Variants in IFNGR2 observed in about 807,000 individuals in gnomAD.
The protein encoded by IFNGR2 is IFN-gamma receptor 2.
In IFNGR2, 15 loss-of-function variants were observed where a neutral mutation model predicts 41.1. That is an observed-to-expected ratio of 0.37 (90% CI 0.24 to 0.56). The LOEUF is 0.56. IFNGR2 is among the 20% of genes least tolerant of loss of function. The pLI is 0.81. For synonymous variants in IFNGR2, 161 were observed against 171.6 expected (o/e 0.94, Z 0.48); for missense variants, 362 against 415.7 (o/e 0.87, Z 1.12).
chr21:33,410,116 G>GT (rs34990933), intron 1 of IFNGR2, among the ~76,000 whole-genome samples: 151,726 of 151,726 alleles, frequency 1, 75,863 homozygotes, highest in Non-Finnish European at 1. Flanking sequence ...TATACAGGAG[G>GT]TTCTCAAGAG....
At chr21:33,418,085 T>A (rs1366190493) in intron 2 of IFNGR2, among the ~76,000 whole-genome samples, 1 of 152,126 alleles carries the variant, frequency 6.6e-6, no homozygotes, top group Non-Finnish European at 1.5e-5. Flanking sequence ...TGCAGTGGCG[T>A]GATCTCAGCT....
At chr21:33,427,949 TCA>T (rs1376462807) in intron 4 of IFNGR2, among the ~76,000 whole-genome samples, 1 of 150,808 alleles carries the variant, frequency 6.6e-6, no homozygotes, top group Non-Finnish European at 1.5e-5. Context: ...CAGGCTGGTC[TCA>T]GACTCCTGAC....
At chr21:33,411,344 T>G (rs1568951045) in intron 1 of IFNGR2, 4 of 429,698 alleles carry the variant, frequency 9.3e-6, no homozygotes, top group Non-Finnish European at 2.0e-5. Flanking sequence ...CCGGAGCCCC[T>G]TGGTGCTTCC....
chr21:33,425,916 C>T (rs977920414), intron 3 of IFNGR2, among the ~76,000 whole-genome samples: 7 of 152,208 alleles, frequency 4.6e-5, no homozygotes, highest in African/African-American at 1.4e-4. Context: ...AATGTGCAGA[C>T]ATTGGTCTCT....
At chr21:33,428,197 C>T (rs2083856284) in intron 4 of IFNGR2, among the ~76,000 whole-genome samples, 1 of 147,164 alleles carries the variant, frequency 6.8e-6, no homozygotes. Flanking sequence ...TTTGTATCTG[C>T]ACTTCTCCTT....
At chr21:33,411,150 A>C (rs1358733451) in intron 1 of IFNGR2, among the ~76,000 whole-genome samples, 1 of 152,214 alleles carries the variant, frequency 6.6e-6, no homozygotes, top group Non-Finnish European at 1.5e-5. Context: ...AAGATAGGGG[A>C]TGATAGGAAA....
intron 2 of IFNGR2, among the ~76,000 whole-genome samples, chr21:33,415,334 G>A (rs2083746619): frequency 6.6e-6 from 1 of 152,220 alleles, no homozygotes; most frequent in Non-Finnish European, 1.5e-5. Context: ...GGAAGAACAG[G>A]AGGCAGCTTT....
intron 1 of IFNGR2, among the ~76,000 whole-genome samples, chr21:33,414,081 C>T (rs1777305535): frequency 6.6e-6 from 1 of 152,130 alleles, no homozygotes; most frequent in Non-Finnish European, 1.5e-5. Context: ...GATCTGCCTT[C>T]CTTGGCCTCC....
At chr21:33,407,846 A>ACCCCCCCCCCCCCCCCC (rs55734282) in intron 1 of IFNGR2, among the ~76,000 whole-genome samples, 1 of 86,804 alleles carries the variant, frequency 1.2e-5, no homozygotes, top group Admixed American at 1.2e-4. Flanking sequence ...TCCCCACCGC[A>ACCCCCCCCCCCCCCCCC]CCCCCCCCCG....
chr21:33,412,594 C>T (rs964217581), intron 1 of IFNGR2, among the ~76,000 whole-genome samples: 17 of 152,186 alleles, frequency 1.1e-4, no homozygotes, highest in Admixed American at 9.2e-4. Flanking sequence ...GCCGCTCTGT[C>T]GCCCAGGCTG....
At chr21:33,415,168 GAGGA>G in intron 2 of IFNGR2, 148 bp downstream of exon 2, 3 of 1,063,616 alleles carry the variant, frequency 2.8e-6, no homozygotes, top group African/African-American at 1.6e-5. Flanking sequence ...TAAAATCTCT[GAGGA>G]CAGAGGTTTC....
intron 2 of IFNGR2, 101 bp downstream of exon 2, chr21:33,415,121 A>T (rs898876694): frequency 7.1e-7 from 1 of 1,405,082 alleles, no homozygotes; most frequent in Non-Finnish European, 1.0e-6. Context: ...AGGGTTTGTT[A>T]TCAAACCCGT....
Position 33,436,903 on chromosome 21 carries a change from T to C in IFNGR2, c.955T>C (p.Ser319Pro). 1 of 1,614,040 alleles carries C rather than the reference T, an allele frequency of 6.2e-7. No homozygotes were observed. Among genetic ancestry groups the C allele is most frequent in the Middle Eastern group, 1.7e-4 (1 of 6,060 alleles). Residue 319 changes from serine (S) to proline (P), a missense_variant, in exon 7 of 7, where the codon TCT becomes CCT. Transcript: ENST00000290219. Reference protein sequence around the residue: ...DSSPKDDVWDSVSIISFPEKE... With the variant: ...DSSPKDDVWDPVSIISFPEKE... ...CTCACCAAAGGATGACGTCTGGGACTCTGTGTCCATTATCTCGTTTCCGGA... is the reference window on the plus strand; with the variant it reads ...CTCACCAAAGGATGACGTCTGGGACCCTGTGTCCATTATCTCGTTTCCGGA...
chr21:33,435,431 G>A (rs937793057), intron 6 of IFNGR2, among the ~76,000 whole-genome samples: 15 of 152,162 alleles, frequency 9.9e-5, no homozygotes, highest in Non-Finnish European at 2.9e-5. Flanking sequence ...AGGGTTGCAA[G>A]GAAGAACTTG....
At chr21:33,412,007 T>C (rs1247202496) in intron 1 of IFNGR2, among the ~76,000 whole-genome samples, 3 of 152,176 alleles carry the variant, frequency 2.0e-5, no homozygotes. Flanking sequence ...CACTACAGCC[T>C]CGAACTCCTG....
intron 3 of IFNGR2, among the ~76,000 whole-genome samples, chr21:33,422,028 G>A (rs144032638): frequency 3.2e-4 from 49 of 152,364 alleles, no homozygotes; most frequent in African/African-American, 1.1e-3. Flanking sequence ...TGTTGAGCCT[G>A]CAAAGTCTAA....
intron 2 of IFNGR2, among the ~76,000 whole-genome samples, chr21:33,420,536 G>A (rs1315795594): frequency 6.6e-6 from 1 of 152,152 alleles, no homozygotes; most frequent in African/African-American, 2.4e-5. Flanking sequence ...GCTATGGGTG[G>A]AAAGAAACTC....
intron 6 of IFNGR2, among the ~76,000 whole-genome samples, chr21:33,433,918 G>A (rs144491775): frequency 6.6e-6 from 1 of 152,196 alleles, no homozygotes; most frequent in Non-Finnish European, 1.5e-5. Context: ...AAGTGGCCTG[G>A]CTGGAGGACG....
intron 2 of IFNGR2, among the ~76,000 whole-genome samples, chr21:33,420,706 T>C (rs187891802): frequency 7.2e-4 from 109 of 152,308 alleles, no homozygotes; most frequent in African/African-American, 2.5e-3. Context: ...GTATCCAGAA[T>C]AGATAACGAA....
Sources: allele counts gnomAD v4.1 joint callset (sites outside exome capture counted in the v4.1 genomes callset), GRCh38; gene constraint gnomAD v4.1.1; transcripts MANE v1.5; gene names NCBI Gene and HGNC (gene_info 2026-07-23, HGNC 2026-07-21).